The following SMIM13 variants were observed in gnomAD, a reference collection of about 807,000 sequenced individuals.
SMIM13 encodes UPF0766 protein C6orf228.
In SMIM13, 3 loss-of-function variants were observed where a neutral mutation model predicts 5.9. The ratio of observed to expected loss-of-function variants is 0.51; its 90% confidence interval spans 0.23 to 1.31. The LOEUF is 1.31. SMIM13 is among the 40% of genes most tolerant of loss of function. SMIM13 has a pLI of 0.18. For missense variants in SMIM13, 85 were observed against 109.9 expected (o/e 0.77, Z 1.01); for synonymous variants, 55 against 46.0 (o/e 1.19, Z -0.79).
At chr6:11,129,641 C>T (rs1337334098) in intron 1 of SMIM13, among the ~76,000 whole-genome samples, 1 of 152,032 alleles carries the variant, frequency 6.6e-6, no homozygotes, top group Admixed American at 6.6e-5. Context: ...TCAGTTAATA[C>T]ATGGATTTAT....
At chr6:11,104,212 T>C in intron 1 of SMIM13, 1 of 1,551,732 alleles carries the variant, frequency 6.4e-7, no homozygotes, top group Non-Finnish European at 8.7e-7. Flanking sequence ...CCGGTTCCCG[T>C]ACCAGCTAGA....
chr6:11,103,420 C>T (rs890750916), intron 1 of SMIM13: 2 of 420,722 alleles, frequency 4.8e-6, no homozygotes, highest in Non-Finnish European at 8.3e-6. Flanking sequence ...CCCTGCCCTG[C>T]TCATGTCTGA....
chr6:11,104,013 G>A lies in SMIM13; in HGVS notation c.76+9624G>A. 3.2e-6 allele frequency: 5 copies of A among 1,551,602 alleles called. No individual in the cohort carries two copies. The East Asian group carries it at 7.3e-5, about 23-fold the overall frequency. ...CCAAAAGCAACATTTTTCATCTAAG[G>A]CCAAACAAATTCCTCCCTGTGCTGC... On this transcript the variant is annotated intron_variant, in intron 1 of 1. Coordinates refer to ENST00000416247, the MANE Select transcript of SMIM13 (RefSeq NM_001135575.2).
chr6:11,116,255 G>A (rs1204823484), intron 1 of SMIM13, among the ~76,000 whole-genome samples: 2 of 152,126 alleles, frequency 1.3e-5, no homozygotes, highest in African/African-American at 4.8e-5. Context: ...TGGGCCTCAG[G>A]TGATCCGCCC....
At chr6:11,102,407 T>C (rs1758006550) in intron 1 of SMIM13, 1 of 152,184 alleles carries the variant, frequency 6.6e-6, no homozygotes, top group African/African-American at 2.4e-5. Flanking sequence ...TACAGAAAAG[T>C]GTGAACAAAT....
intron 1 of SMIM13, among the ~76,000 whole-genome samples, chr6:11,112,334 C>G (rs1421355569): frequency 1.3e-5 from 2 of 152,116 alleles, no homozygotes; most frequent in Admixed American, 6.5e-5. Context: ...TCACTGCAAC[C>G]TCCACCTCCC....
chr6:11,104,424 C>G (rs763998164), intron 1 of SMIM13: 12 of 1,551,452 alleles, frequency 7.7e-6, no homozygotes, highest in Non-Finnish European at 1.0e-5. Context: ...ATAAAAGGCT[C>G]CTTGAGTTTT....
chr6:11,116,982 C>CTTTTTTTTTTTTTTTTTTTTT lies in SMIM13; in HGVS notation c.77-17414_77-17394dup, dbSNP rs68092921. On this transcript the variant is annotated intron_variant, in intron 1 of 1. Transcript: ENST00000416247. ...AATAGACATTTAATGATAATTGTTT[C>CTTTTTTTTTTTTTTTTTTTTT]TTTTTTTTTTTTTTTTTTTTTTTTT... Among the ~76,000 whole-genome samples the CTTTTTTTTTTTTTTTTTTTTT allele has an allele frequency of 8.6e-5, 4 of 46,452 alleles. 1 individual carries two copies. Among genetic ancestry groups the CTTTTTTTTTTTTTTTTTTTTT allele is most frequent in the African/African-American group, 1.8e-4 (2 of 11,162 alleles). The allele number at this position is 46,452 out of a possible 152,430, so 30.5% of individuals were successfully genotyped here. A position where few individuals can be genotyped will look rare whatever the true frequency, so the allele number is the denominator to read the frequency against.
chr6:11,131,195 T>G (rs541677418), intron 1 of SMIM13, among the ~76,000 whole-genome samples: 15 of 152,292 alleles, frequency 9.8e-5, no homozygotes, highest in Non-Finnish European at 1.8e-4. Context: ...TTAATGGCAT[T>G]GAGGTATTTA....
chr6:11,105,369 C>G (rs1758070444), intron 1 of SMIM13: 1 of 1,306,892 alleles, frequency 7.7e-7, no homozygotes, highest in Non-Finnish European at 1.1e-6. Context: ...TGGTGGTGTA[C>G]AAGTTAGGGT....
intron 1 of SMIM13, among the ~76,000 whole-genome samples, chr6:11,115,687 C>CT (rs138602431): frequency 0.028 from 3,934 of 140,212 alleles, 61 homozygotes; most frequent in South Asian, 0.072. Context: ...TTTTTCTTTT[C>CT]TTTTTTTTTT....
chr6:11,118,218 TG>T lies in SMIM13; in HGVS notation c.77-16184del, dbSNP rs574156215. ...ACGTCCCATATATAATCAAAAGGAATGTTTTTTTCTGCTATTGATTGAAATG... is the reference window on the plus strand; with the variant it reads ...ACGTCCCATATATAATCAAAAGGAATTTTTTTTCTGCTATTGATTGAAATG... On this transcript the variant is annotated intron_variant, in intron 1 of 1. Transcript: ENST00000416247. Among the ~76,000 whole-genome samples the T allele has an allele frequency of 1.1e-3, 174 of 152,312 alleles. 2 individuals carry two copies. The highest frequency in any genetic ancestry group is 4.1e-3 in the African/African-American group (170 of 41,580).
In SMIM13 at chr6:11,115,019, G is replaced by A. The variant is rs373203593; in HGVS notation, c.77-19384G>A. Among the ~76,000 whole-genome samples the A allele has an allele frequency of 4.6e-5, 7 of 152,118 alleles. No individual in the cohort carries two copies. In the East Asian group the frequency reaches 9.6e-4, roughly 21 times the overall value. On this transcript the variant is annotated intron_variant, in intron 1 of 1. Coordinates refer to ENST00000416247, the MANE Select transcript of SMIM13 (RefSeq NM_001135575.2). ...TGACATGTTATCCATTTTCTATACT[G>A]TAGCAATTAATTTAGTAAACATTTA...
At chr6:11,113,560 A>G (rs77336846) in intron 1 of SMIM13, among the ~76,000 whole-genome samples, 18,984 of 151,930 alleles carry the variant, frequency 0.12, 1,488 homozygotes, top group Non-Finnish European at 0.18. Context: ...ATTTTCTTCT[A>G]TTCTGTAGCT....
intron 1 of SMIM13, among the ~76,000 whole-genome samples, chr6:11,116,103 C>T (rs1386891348): frequency 6.9e-6 from 1 of 145,720 alleles, no homozygotes; most frequent in Non-Finnish European, 1.5e-5. Flanking sequence ...CTGCAACCTC[C>T]GCCTCCCAGG....
intron 1 of SMIM13, among the ~76,000 whole-genome samples, 195 bp from the exon 2 acceptor site, chr6:11,134,208 T>G (rs540178511): frequency 1.1e-3 from 173 of 152,320 alleles, no homozygotes; most frequent in African/African-American, 3.9e-3. Context: ...GGGTAGAGAC[T>G]GTTTTTGTCA....
In SMIM13 at chr6:11,094,355, C is replaced by G. The variant is rs1488671332; in HGVS notation, c.42C>G (p.Ala14=). ...GGCTGACTCTGCTTGTGTTCGTGGC[C>G]ACGCTGCTGATCGTCCTGCTGCTGA... ...SVGLTLLVFV[A]TLLIVLLLMV... Residue 14 remains alanine (A), a synonymous_variant, in exon 1 of 2, where the codon GCC becomes GCG. Transcript: ENST00000416247. 6.5e-7 allele frequency: 1 copy of G among 1,537,424 alleles called. No individual in the cohort carries two copies. The highest frequency in any genetic ancestry group is 8.7e-7 in the Non-Finnish European group (1 of 1,143,842).
chr6:11,114,949 C>A (rs551565143), intron 1 of SMIM13, among the ~76,000 whole-genome samples: 1 of 152,002 alleles, frequency 6.6e-6, no homozygotes, highest in Admixed American at 6.6e-5. Flanking sequence ...TGTTGCATTT[C>A]GAATGTGAAA....
In SMIM13 at chr6:11,135,079, A is replaced by G. The variant is rs1758502011; in HGVS notation, c.*477A>G. 6.5e-6 allele frequency: 1 copy of G among 152,726 alleles called. No homozygotes were observed. Among genetic ancestry groups the G allele is most frequent in the Non-Finnish European group, 1.5e-5 (1 of 68,118 alleles). 9.5% of individuals were successfully genotyped at this position (152,726 alleles called of 1,614,324 possible). ...TTTAACCAACATGTGTTTTGTTGGTATCAAATGTGTCAGGTTTAATTGACA... is the reference window on the plus strand; with the variant it reads ...TTTAACCAACATGTGTTTTGTTGGTGTCAAATGTGTCAGGTTTAATTGACA... On this transcript the variant is annotated 3_prime_UTR_variant, in exon 2 of 2. Coordinates refer to ENST00000416247, the MANE Select transcript of SMIM13 (RefSeq NM_001135575.2).
Sources: gnomAD v4.1 joint callset for allele counts (sites outside exome capture counted in the v4.1 genomes callset) on GRCh38, gnomAD v4.1.1 for gene constraint, MANE v1.5 for transcripts, NCBI Gene and HGNC (gene_info 2026-07-23, HGNC 2026-07-21) for gene names.